Variants in GRID2 observed in about 807,000 individuals in gnomAD.
GRID2 encodes the protein glutamate ionotropic receptor delta type subunit 2, also known as glutamate receptor ionotropic, delta-2.
GRID2 carries 33 observed loss-of-function variants against 114.8 expected under a neutral mutation model. The observed-to-expected ratio is 0.29, with a 90% CI of 0.22 to 0.38. GRID2 has a LOEUF of 0.38. GRID2 is among the 10% of genes least tolerant of loss of function. The pLI is 1.00. For missense variants in GRID2, 1,184 were observed against 1,257.7 expected, an observed-to-expected ratio of 0.94 and a Z score of 0.89; for synonymous variants, 505 against 449.9, an observed-to-expected ratio of 1.12 and a Z score of -1.55.
At chr4:92,523,639 C>T (rs1354384731) in intron 1 of GRID2, among the ~76,000 whole-genome samples, 2 of 151,996 alleles carry the variant, frequency 1.3e-5, no homozygotes, top group African/African-American at 2.4e-5. Flanking sequence ...TCTTTGCACA[C>T]AGTCACTCTG....
intron 13 of GRID2, among the ~76,000 whole-genome samples, chr4:93,524,022 G>A (rs958851476): frequency 6.6e-6 from 1 of 152,022 alleles, no homozygotes; most frequent in African/African-American, 2.4e-5. Context: ...AAATGCCAAA[G>A]TAGATGACAA....
intron 1 of GRID2, among the ~76,000 whole-genome samples, chr4:92,399,590 C>T (rs1318410609): frequency 1.3e-5 from 2 of 151,372 alleles, no homozygotes; most frequent in Non-Finnish European, 2.9e-5. Context: ...TAAGACCCTC[C>T]AATTACATAT....
chr4:93,630,516 A>G (rs1743148503), intron 14 of GRID2, among the ~76,000 whole-genome samples: 1 of 152,164 alleles, frequency 6.6e-6, no homozygotes, highest in Non-Finnish European at 1.5e-5. Flanking sequence ...ATTGGGAAAA[A>G]TTCATTAGTT....
intron 1 of GRID2, among the ~76,000 whole-genome samples, chr4:93,791,999 T>A (rs983438284): frequency 6.6e-6 from 1 of 152,210 alleles, no homozygotes; most frequent in Non-Finnish European, 1.5e-5. Context: ...CTGAAACTTG[T>A]AAATATAGAT....
intron 13 of GRID2, among the ~76,000 whole-genome samples, chr4:93,581,079 A>G (rs1240842341): frequency 2.0e-5 from 3 of 151,630 alleles, no homozygotes; most frequent in Non-Finnish European, 2.9e-5. Context: ...ATTTCTCCTC[A>G]TGCTATCCCT....
At chr4:93,167,217 C>G (rs1245110111) in intron 4 of GRID2, among the ~76,000 whole-genome samples, 2 of 152,138 alleles carry the variant, frequency 1.3e-5, no homozygotes, top group East Asian at 1.9e-4. Flanking sequence ...TTTGAAGTTA[C>G]TCTTGAATTG....
At chr4:93,459,128 C>A (rs780601162) in intron 11 of GRID2, among the ~76,000 whole-genome samples, 4 of 139,120 alleles carry the variant, frequency 2.9e-5, no homozygotes, top group Non-Finnish European at 1.5e-5. Context: ...TGCAGTGAGC[C>A]GAGATTGTGC....
At chr4:93,309,625 G>A (rs572229880) in intron 8 of GRID2, among the ~76,000 whole-genome samples, 2 of 152,070 alleles carry the variant, frequency 1.3e-5, no homozygotes, top group Admixed American at 6.6e-5. Context: ...AGAATCCTGA[G>A]GTTTTATACT....
chr4:92,630,173 A>G (rs1201721661), intron 2 of GRID2, among the ~76,000 whole-genome samples: 1 of 152,076 alleles, frequency 6.6e-6, no homozygotes, highest in Non-Finnish European at 1.5e-5. Context: ...ATCACTGTTG[A>G]ACATGGTGTA....
Position 93,316,367 on chromosome 4 carries a change from AAAAG to A in GRID2, c.1245+77892_1245+77895del, listed in dbSNP as rs1221970817. ...AGGAAGGAAGGAAGGAAGGAAAAGA[AAAAG>A]AAAGAAAGAAAGAATAGAAAAGGAA... is the stretch of plus-strand genomic sequence containing the variant. On this transcript the variant is annotated intron_variant, in intron 8 of 15. Coordinates refer to ENST00000282020, the MANE Select transcript of GRID2 (RefSeq NM_001510.4). 3.1e-4 allele frequency among the ~76,000 whole-genome samples: 39 copies of A among 125,780 alleles called. 1 individual carries two copies. Among genetic ancestry groups the A allele is most frequent in the African/African-American group, 4.5e-4 (14 of 31,354 alleles). 82.5% of individuals were successfully genotyped at this position (125,780 alleles called of 152,430 possible). A position where few individuals can be genotyped will look rare whatever the true frequency, so the allele number is the denominator to read the frequency against.
intron 4 of GRID2, among the ~76,000 whole-genome samples, chr4:93,113,961 C>A (rs978985232): frequency 3.3e-5 from 5 of 152,018 alleles, no homozygotes; most frequent in Admixed American, 6.6e-5. Flanking sequence ...GTGTTGACCA[C>A]CCTGTTGAGA....
chr4:92,678,713 A>G (rs1040760413), intron 2 of GRID2, among the ~76,000 whole-genome samples: 2 of 152,060 alleles, frequency 1.3e-5, no homozygotes, highest in African/African-American at 4.8e-5. Context: ...AGTATTAAAA[A>G]TAAATGAGTT....
At chr4:93,375,708 T>C (rs1172065318) in intron 8 of GRID2, among the ~76,000 whole-genome samples, 2 of 152,204 alleles carry the variant, frequency 1.3e-5, no homozygotes, top group Non-Finnish European at 2.9e-5. Context: ...ACCGATTTAT[T>C]TTTTGTGTGA....
At chr4:93,371,656 AT>A (rs1467417162) in intron 8 of GRID2, among the ~76,000 whole-genome samples, 2 of 150,180 alleles carry the variant, frequency 1.3e-5, no homozygotes, top group African/African-American at 2.5e-5. Flanking sequence ...TAAATTATAT[AT>A]TTTTAAGAGA....
intron 2 of GRID2, among the ~76,000 whole-genome samples, chr4:92,692,550 A>G (rs1332076794): frequency 6.6e-6 from 1 of 152,148 alleles, no homozygotes; most frequent in African/African-American, 2.4e-5. Context: ...ATGCTTTTTT[A>G]AAGCCTTAGT....
chr4:93,543,123 A>G (rs2149530149), intron 13 of GRID2, among the ~76,000 whole-genome samples: 1 of 152,332 alleles, frequency 6.6e-6, no homozygotes, highest in Admixed American at 6.5e-5. Flanking sequence ...CAGAAGAAAT[A>G]TGATTTAAAT....
intron 8 of GRID2, among the ~76,000 whole-genome samples, chr4:93,364,016 A>AAT (rs1327430949): frequency 6.6e-6 from 1 of 152,020 alleles, no homozygotes; most frequent in African/African-American, 2.4e-5. Context: ...GAGTAAGAAA[A>AAT]ATATATATAT....
chr4:92,873,936 A>ACACCTGACCTCAGGTGATC (rs1425465992), intron 2 of GRID2, among the ~76,000 whole-genome samples: 1 of 152,034 alleles, frequency 6.6e-6, no homozygotes, highest in African/African-American at 2.4e-5. Flanking sequence ...CTGGTCTCGA[A>ACACCTGACCTCAGGTGATC]CACCTGACCT....
chr4:93,171,419 A>G (rs1353779566), intron 4 of GRID2, among the ~76,000 whole-genome samples: 1 of 152,142 alleles, frequency 6.6e-6, no homozygotes, highest in Non-Finnish European at 1.5e-5. Context: ...CTCTCCCAAT[A>G]TTCCCTAAGC....
Sources: allele counts gnomAD v4.1 joint callset (sites outside exome capture counted in the v4.1 genomes callset), GRCh38; gene constraint gnomAD v4.1.1; transcripts MANE v1.5; gene names NCBI Gene and HGNC (gene_info 2026-07-23, HGNC 2026-07-21).